Variants in CDK13 observed in about 807,000 individuals in gnomAD.
The protein encoded by CDK13 is cyclin-dependent kinase 13.
Under a neutral mutation model 137.6 loss-of-function variants are expected in CDK13, and 40 were observed. That is an observed-to-expected ratio of 0.29 (90% confidence interval 0.23 to 0.38). CDK13 has a LOEUF of 0.38. CDK13 is among the 10% of genes least tolerant of loss of function. CDK13 has a pLI of 1.00. For missense variants in CDK13, 1,704 were observed against 1,951.8 expected (o/e 0.87, Z 2.39); for synonymous variants, 869 against 760.1 (o/e 1.14, Z -2.36).
intron 5 of CDK13, among the ~76,000 whole-genome samples, chr7:40,014,790 T>G (rs1375903897): frequency 6.6e-6 from 1 of 152,200 alleles, no homozygotes; most frequent in African/African-American, 2.4e-5. Flanking sequence ...TTTTCATGTT[T>G]AGGTCCTTTG....
intron 1 of CDK13, among the ~76,000 whole-genome samples, chr7:39,978,763 A>G (rs758196412): frequency 3.9e-5 from 6 of 152,184 alleles, no homozygotes; most frequent in Non-Finnish European, 7.3e-5. Context: ...CAAGCTCACA[A>G]TTGGTGCTGA....
intron 5 of CDK13, among the ~76,000 whole-genome samples, chr7:40,043,898 A>ATT (rs3045302): frequency 0.34 from 46,677 of 137,464 alleles, 9,098 homozygotes; most frequent in Middle Eastern, 0.53. Context: ...ATTTTGTATA[A>ATT]TTTTTTTTTT....
At chr7:39,963,612 T>G (rs1246844202) in intron 1 of CDK13, among the ~76,000 whole-genome samples, 1 of 152,202 alleles carries the variant, frequency 6.6e-6, no homozygotes, top group Non-Finnish European at 1.5e-5. Context: ...TGAATACCCT[T>G]TATTTCCTTC....
At position 39,999,518 on chromosome 7, in the gene CDK13, TG is replaced by T. The variant is rs751494518; in HGVS notation, c.2182+22del. 206 of 1,582,152 alleles carry T rather than the reference TG, an allele frequency of 1.3e-4. 1 individual carries two copies. The South Asian group carries it at 2.3e-3, about 18-fold the overall frequency. ...AGACACTGGTAAGAATGCCAAGTTC[TG>T]GGGATCTTTGGGCCTACGGAATGTA... is the stretch of plus-strand genomic sequence containing the variant. On this transcript the variant is annotated intron_variant, in intron 4 of 13. Coordinates refer to ENST00000181839, the MANE Select transcript of CDK13 (RefSeq NM_003718.5).
At chr7:39,972,907 T>C (rs1195636876) in intron 1 of CDK13, among the ~76,000 whole-genome samples, 2 of 152,224 alleles carry the variant, frequency 1.3e-5, no homozygotes, top group Non-Finnish European at 2.9e-5. Context: ...ATCATTTTTA[T>C]ATTCATATCA....
At chr7:39,960,730 A>G (rs1025689566) in intron 1 of CDK13, among the ~76,000 whole-genome samples, 4 of 151,434 alleles carry the variant, frequency 2.6e-5, no homozygotes, top group Non-Finnish European at 5.9e-5. Flanking sequence ...GCCTGCCACC[A>G]TGCCTGGCTA....
At chr7:40,078,952 T>C (rs1584078752) in intron 11 of CDK13, 101 bp downstream of exon 11, 1 of 374,522 alleles carries the variant, frequency 2.7e-6, no homozygotes, top group Non-Finnish European at 4.0e-6. Context: ...CATGTCTGGT[T>C]ATGAGAAAAA....
intron 7 of CDK13, among the ~76,000 whole-genome samples, chr7:40,058,659 T>A (rs1279149777): frequency 6.6e-6 from 1 of 152,092 alleles, no homozygotes; most frequent in Non-Finnish European, 1.5e-5. Flanking sequence ...GAATAATGGC[T>A]TGGACTAGGT....
At position 39,972,420 on chromosome 7, in the gene CDK13, A is replaced by G. The variant is rs150850095; in HGVS notation, c.1212-15179A>G. On this transcript the variant is annotated intron_variant, in intron 1 of 13. Coordinates refer to ENST00000181839, the MANE Select transcript of CDK13 (RefSeq NM_003718.5). ...GCTTTGTGTAACCACTAATTTGAGA[A>G]TATTTCAGTCACTCCAGAGAGAAAC... Among the ~76,000 whole-genome samples the G allele has an allele frequency of 1.8e-4, 28 of 152,336 alleles. 1 individual carries two copies. In the East Asian group the frequency reaches 5.4e-3, roughly 29 times the overall value.
chr7:40,047,514 A>C (rs1785773834), intron 6 of CDK13, among the ~76,000 whole-genome samples: 1 of 152,078 alleles, frequency 6.6e-6, no homozygotes, highest in Non-Finnish European at 1.5e-5. Flanking sequence ...TTTTCATTGA[A>C]GTATGCTTTT....
At chr7:39,996,961 C>CAA (rs72210233) in intron 2 of CDK13, among the ~76,000 whole-genome samples, 4,967 of 82,288 alleles carry the variant, frequency 0.06, 888 homozygotes, top group Non-Finnish European at 0.071. Context: ...GATTCCATCT[C>CAA]AAAAAAAAAA....
In CDK13 at chr7:39,951,768, A is replaced by G. The variant is rs763878791; in HGVS notation, c.1127A>G (p.Tyr376Cys). The change falls in exon 1 of 14, where the codon TAC (tyrosine) becomes TGC (cysteine). Residue 376 changes from tyrosine (Y) to cysteine (C), a missense_variant. Coordinates refer to ENST00000181839, the MANE Select transcript of CDK13 (RefSeq NM_003718.5). ...CCCAGCTACAGCCGCCACAGCTCCT[A>G]CGAGCGGGGCGGCGACGTGTCCCCT... ...RSPSYSRHSS[Y>C]ERGGDVSPSP... 4 of 1,480,392 alleles carry G rather than the reference A, an allele frequency of 2.7e-6. No homozygotes were observed. The highest frequency in any genetic ancestry group is 3.5e-6 in the Non-Finnish European group (4 of 1,128,158). 91.7% of individuals were successfully genotyped at this position (1,480,392 alleles called of 1,614,324 possible).
intron 11 of CDK13, among the ~76,000 whole-genome samples, chr7:40,084,447 C>T (rs1434481814): frequency 1.3e-5 from 2 of 152,160 alleles, no homozygotes; most frequent in South Asian, 4.1e-4. Context: ...CATTGCACTC[C>T]ACCCTGGGTG....
chr7:40,020,202 G>A (rs1292683798), intron 5 of CDK13, among the ~76,000 whole-genome samples: 8 of 151,898 alleles, frequency 5.3e-5, no homozygotes, highest in Admixed American at 2.6e-4. Flanking sequence ...CAAGTAGCTG[G>A]GACTACAGGT....
chr7:40,021,110 T>TACACACACACACACACAC (rs1284247106), intron 5 of CDK13, among the ~76,000 whole-genome samples: 6 of 81,916 alleles, frequency 7.3e-5, no homozygotes, highest in African/African-American at 3.2e-4. Flanking sequence ...AACGTATATA[T>TACACACACACACACACAC]ATATATATAT....
chr7:40,083,756 G>A (rs542118847), intron 11 of CDK13, among the ~76,000 whole-genome samples: 1 of 152,058 alleles, frequency 6.6e-6, no homozygotes, highest in Non-Finnish European at 1.5e-5. Flanking sequence ...CATTCTGTAA[G>A]CTATCTGTAA....
chr7:40,010,817 G>A (rs1242345089), intron 5 of CDK13, among the ~76,000 whole-genome samples: 1 of 152,176 alleles, frequency 6.6e-6, no homozygotes, highest in Non-Finnish European at 1.5e-5. Flanking sequence ...TAATAAGTAA[G>A]TTCAGCAAAG....
At chr7:39,977,997 G>A (rs578100660) in intron 1 of CDK13, among the ~76,000 whole-genome samples, 18 of 152,232 alleles carry the variant, frequency 1.2e-4, no homozygotes, top group African/African-American at 4.1e-4. Flanking sequence ...TCAGAATAGG[G>A]TGTATTTAAG....
rs17496805 is a variant in CDK13, at chr7:40,094,380, T to A, written c.3939T>A (p.Asp1313Glu). The change falls in exon 14 of 14, where the codon GAT becomes GAA. Residue 1313 changes from aspartate (D) to glutamate (E), a missense_variant. Physicochemically the swap from Asp to Glu is conservative, Grantham distance 45. Around this residue, in one of 5 missense-constraint regions of CDK13, gnomAD observed 475 missense variants for 579.3 expected, o/e 0.82. Coordinates refer to ENST00000181839, the MANE Select transcript of CDK13 (RefSeq NM_003718.5). The part of the protein sequence containing the change: ...LQLLAQHQPQ[D>E]DPKREGGIDY... The stretch of plus-strand genomic sequence containing the variant: ...TGCTTGCTCAGCATCAGCCCCAGGA[T>A]GACCCCAAAAGAGAAGGTGGGATTG... The A allele has an allele frequency of 1.9e-6, 3 of 1,613,968 alleles. No homozygotes were observed. The South Asian group carries it at 3.3e-5, about 18-fold the overall frequency.
Sources: gnomAD v4.1 joint callset for allele counts (sites outside exome capture counted in the v4.1 genomes callset) on GRCh38, gnomAD v4.1.1 for gene constraint, gnomAD v4.1.1 regional missense constraint, MANE v1.5 for transcripts, NCBI Gene and HGNC (gene_info 2026-07-23, HGNC 2026-07-21) for gene names.